LRRC37A2: variants seen among roughly 807,000 people sequenced by gnomAD.
LRRC37A2 encodes leucine rich repeat containing 37 member A2, also known as leucine-rich repeat-containing protein 37A2.
In LRRC37A2, 9 loss-of-function variants were observed where a neutral mutation model predicts 68.8. That is an observed-to-expected ratio of 0.13 (90% CI 0.08 to 0.23). The LOEUF is 0.23. LRRC37A2 is among the 10% of genes least tolerant of loss of function. The pLI is 1.00. For missense variants in LRRC37A2, 168 were observed against 950.4 expected (o/e 0.18, Z 10.82); for synonymous variants, 63 against 367.6 (o/e 0.17, Z 9.48).
chr17:46,852,963 C>A, the LRRC37A2 span, among the ~76,000 whole-genome samples: 3 of 152,152 alleles, frequency 2.0e-5, no homozygotes. Context: ...TAGCTCTGGG[C>A]TTAGCTTGCT....
the LRRC37A2 span, chr17:46,751,605 A>G: frequency 1.9e-6 from 3 of 1,609,232 alleles, no homozygotes; most frequent in South Asian, 1.1e-5. Context: ...GCTGATCGAG[A>G]TGTCCCTACA....
At chr17:46,893,665 T>G in the LRRC37A2 span, among the ~76,000 whole-genome samples, 2 of 152,012 alleles carry the variant, frequency 1.3e-5, no homozygotes, top group Non-Finnish European at 2.9e-5. Flanking sequence ...TATGGGGAGA[T>G]GTAAGAACAG....
the LRRC37A2 span, among the ~76,000 whole-genome samples, chr17:46,820,240 G>C: frequency 2.0e-5 from 3 of 152,200 alleles, no homozygotes; most frequent in Non-Finnish European, 2.9e-5. Flanking sequence ...AAATGGCCTC[G>C]GGGGCACCAA....
chr17:47,010,184 C>T, the LRRC37A2 span, among the ~76,000 whole-genome samples: 1 of 152,236 alleles, frequency 6.6e-6, no homozygotes, highest in Non-Finnish European at 1.5e-5. Flanking sequence ...ACTCCACTCC[C>T]TCTTCACAGA....
the LRRC37A2 span, among the ~76,000 whole-genome samples, chr17:46,824,251 A>G: frequency 6.6e-6 from 1 of 152,088 alleles, no homozygotes; most frequent in African/African-American, 2.4e-5. Context: ...GTGATTACAC[A>G]TATTATTATT....
the LRRC37A2 span, chr17:46,875,059 C>T: frequency 1.2e-6 from 2 of 1,613,204 alleles, no homozygotes; most frequent in Non-Finnish European, 1.7e-6. Flanking sequence ...TTCCTCTCTT[C>T]CCCCTTTCCT....
At chr17:46,945,853 A>G in the LRRC37A2 span, among the ~76,000 whole-genome samples, 1 of 152,034 alleles carries the variant, frequency 6.6e-6, no homozygotes, top group African/African-American at 2.4e-5. Context: ...AAAAGGTAAA[A>G]CCCTGGAGAT....
the LRRC37A2 span, among the ~76,000 whole-genome samples, chr17:46,765,577 G>A: frequency 6.6e-6 from 1 of 151,664 alleles, no homozygotes; most frequent in Admixed American, 6.6e-5. Flanking sequence ...GACTGTCAGG[G>A]AAGACAAGAG....
chr17:46,806,029 C>G, the LRRC37A2 span, among the ~76,000 whole-genome samples: 1 of 152,168 alleles, frequency 6.6e-6, no homozygotes, highest in African/African-American at 2.4e-5. Context: ...CTGGGGTTGT[C>G]GGGAGGATGA....
chr17:47,024,633 A>G, the LRRC37A2 span: 1 of 1,045,318 alleles, frequency 9.6e-7, no homozygotes, highest in Non-Finnish European at 1.5e-6. Flanking sequence ...TGTAGCAAAT[A>G]GTTGTAGTTT....
chr17:46,726,526 T>C, the LRRC37A2 span: 2 of 1,611,222 alleles, frequency 1.2e-6, no homozygotes, highest in Non-Finnish European at 1.7e-6. Context: ...AGTGAGATAA[T>C]AAATGACTTT....
the LRRC37A2 span, chr17:46,756,072 T>C: frequency 2.1e-6 from 1 of 467,724 alleles, no homozygotes; most frequent in African/African-American, 2.0e-5. Context: ...GCTAAAGTGA[T>C]TCCTTCTTGC....
chr17:46,938,507 C>G, the LRRC37A2 span: 1 of 1,596,588 alleles, frequency 6.3e-7, no homozygotes, highest in Non-Finnish European at 8.5e-7. Flanking sequence ...AAGAGAATGT[C>G]TGTTGGCAAA....
the LRRC37A2 span, among the ~76,000 whole-genome samples, chr17:46,403,750 G>C: frequency 2.1e-4 from 19 of 91,370 alleles, no homozygotes; most frequent in Non-Finnish European, 4.7e-4. Flanking sequence ...CCAGACTGGA[G>C]TACAGTGACA....
At chr17:46,891,674 C>T in the LRRC37A2 span, among the ~76,000 whole-genome samples, 8 of 152,180 alleles carry the variant, frequency 5.3e-5, no homozygotes, top group Non-Finnish European at 1.0e-4. Flanking sequence ...CTTCCCGTTC[C>T]ACATGACCTG....
chr17:46,753,412 A>G, the LRRC37A2 span, among the ~76,000 whole-genome samples: 2 of 152,226 alleles, frequency 1.3e-5, no homozygotes, highest in African/African-American at 2.4e-5. Flanking sequence ...AATTTAATCT[A>G]CTGAGCTTTC....
the LRRC37A2 span, among the ~76,000 whole-genome samples, chr17:46,808,077 G>C: frequency 6.6e-6 from 1 of 152,234 alleles, no homozygotes; most frequent in African/African-American, 2.4e-5. Flanking sequence ...AAAGGACTAA[G>C]TAGAAGGAAA....
At chr17:46,876,370 T>C in the LRRC37A2 span, 8 of 1,614,020 alleles carry the variant, frequency 5.0e-6, no homozygotes, top group Non-Finnish European at 6.8e-6. Context: ...AACTGCGCTA[T>C]GACTCGGCTG....
the LRRC37A2 span, among the ~76,000 whole-genome samples, chr17:46,629,938 C>CGGAAG: frequency 7.7e-6 from 1 of 130,174 alleles, no homozygotes; most frequent in Admixed American, 8.0e-5. Flanking sequence ...TTGTGGAGGC[C>CGGAAG]GGAAGTCTGA....
Sources: gnomAD v4.1 joint callset for allele counts (sites outside exome capture counted in the v4.1 genomes callset) on GRCh38, gnomAD v4.1.1 for gene constraint, MANE v1.5 for transcripts, NCBI Gene and HGNC (gene_info 2026-07-23, HGNC 2026-07-21) for gene names.